The following PKHD1L1 variants were observed in gnomAD, a reference collection of about 807,000 sequenced individuals.
PKHD1L1 encodes PKHD1 like 1.
PKHD1L1 carries 434 observed loss-of-function variants against 462.9 expected under a neutral mutation model. The observed-to-expected ratio is 0.94, with a 90% CI of 0.87 to 1.02. PKHD1L1 has a LOEUF of 1.02. Among genes scored for constraint, PKHD1L1 ranks in the 50% least tolerant of loss-of-function variants. The probability of loss-of-function intolerance (pLI) is 0.00; values close to 1 mark genes in which losing one functional copy is unlikely to be tolerated. For synonymous variants in PKHD1L1, 1,781 were observed against 1,750.0 expected, an observed-to-expected ratio of 1.02 and a Z score of -0.44; for missense variants, 5,202 against 5,096.1, an observed-to-expected ratio of 1.02 and a Z score of -0.63.
At chr8:109,491,180 C>T in intron 61 of PKHD1L1, 79 bp downstream of exon 61, 2 of 1,337,444 alleles carry the variant, frequency 1.5e-6, no homozygotes, top group Non-Finnish European at 1.0e-6. Flanking sequence ...CTACACTGCC[C>T]AATTGATCTT....
chr8:109,442,811 C>T (rs1815878713), intron 35 of PKHD1L1, 135 bp from the exon 36 acceptor site: 1 of 795,458 alleles, frequency 1.3e-6, no homozygotes, highest in Non-Finnish European at 2.0e-6. Flanking sequence ...ATTCTGTTGA[C>T]ATTTCATACA....
Position 109,459,619 on chromosome 8 carries a change from A to AG in PKHD1L1, c.7029_7030insG (p.Met2344AspfsTer9). 6.4e-7 allele frequency: 1 copy of AG among 1,572,206 alleles called. No homozygotes were observed. The highest frequency in any genetic ancestry group is 8.6e-7 in the Non-Finnish European group (1 of 1,157,852). ...GACACAGTCAAGGAGAGAATGAAAA[A>AG]ATGACCATTGCATCTGTGTCTGCTG... On this transcript the variant is annotated frameshift_variant, in exon 47 of 78. Transcript: ENST00000378402. LOFTEE classifies it high-confidence loss of function.
chr8:109,515,379 G>A (rs1212278975), intron 72 of PKHD1L1, 74 bp downstream of exon 72: 3 of 1,190,942 alleles, frequency 2.5e-6, no homozygotes, highest in Admixed American at 7.5e-5. Context: ...CTGATTATTA[G>A]TATTTTTAAT....
chr8:109,368,616 T>G (rs1393688986), intron 2 of PKHD1L1, among the ~76,000 whole-genome samples: 1 of 152,240 alleles, frequency 6.6e-6, no homozygotes, highest in Non-Finnish European at 1.5e-5. Flanking sequence ...CCCATTGTTT[T>G]GAATGCTACA....
At chr8:109,461,685 C>G in intron 47 of PKHD1L1, 87 bp from the exon 48 acceptor site, 2 of 1,386,652 alleles carry the variant, frequency 1.4e-6, no homozygotes, top group Non-Finnish European at 2.0e-6. Context: ...ATATGTGAAT[C>G]AAATGATACA....
chr8:109,441,173 G>C, intron 33 of PKHD1L1, 102 bp from the exon 34 acceptor site: 1 of 784,212 alleles, frequency 1.3e-6, no homozygotes, highest in Non-Finnish European at 2.0e-6. Context: ...TTTTTTTTAG[G>C]GTCTTGGCTG....
intron 67 of PKHD1L1, among the ~76,000 whole-genome samples, chr8:109,502,919 G>A (rs561341889): frequency 1.3e-5 from 2 of 152,198 alleles, no homozygotes; most frequent in Non-Finnish European, 2.9e-5. Context: ...TCTCTTGTCA[G>A]TTAGTTAGGC....
chr8:109,503,262 A>G (rs547960852), intron 67 of PKHD1L1, among the ~76,000 whole-genome samples: 2 of 21,238 alleles, frequency 9.4e-5, no homozygotes, highest in African/African-American at 3.7e-4. Flanking sequence ...CCATGATCAC[A>G]CCACTGGACC....
At chr8:109,512,671 C>T (rs1296450041) in intron 71 of PKHD1L1, among the ~76,000 whole-genome samples, 6 of 151,944 alleles carry the variant, frequency 3.9e-5, no homozygotes, top group South Asian at 2.1e-4. Context: ...ATTGACTTGG[C>T]GTTGCGGGCT....
Position 109,491,877 on chromosome 8 carries a change from A to C in PKHD1L1, c.10119A>C (p.Ile3373=), listed in dbSNP as rs774715603. 1.9e-6 allele frequency: 3 copies of C among 1,597,150 alleles called. No individual in the cohort carries two copies. The highest frequency in any genetic ancestry group is 1.7e-6 in the Non-Finnish European group (2 of 1,168,438). ...NIIHFTVGEG[I]RIWGNANRVR... is the part of the protein sequence containing the mutation. ...TTTTTTTCTTTTTTTAAACAGGCAT[A>C]AGAATATGGGGGAATGCCAACCGAG... Residue 3373 remains isoleucine (I), a synonymous_variant, in exon 62 of 78, where the codon ATA becomes ATC. Coordinates refer to ENST00000378402, the MANE Select transcript of PKHD1L1 (RefSeq NM_177531.6).
chr8:109,471,315 A>C (rs1383332031), intron 50 of PKHD1L1, among the ~76,000 whole-genome samples: 2 of 152,126 alleles, frequency 1.3e-5, no homozygotes, highest in Admixed American at 1.3e-4. Flanking sequence ...TGTCATTTGC[A>C]CACAAAAATA....
At chr8:109,370,920 T>G (rs1338125589) in intron 2 of PKHD1L1, among the ~76,000 whole-genome samples, 2 of 152,212 alleles carry the variant, frequency 1.3e-5, no homozygotes, top group African/African-American at 4.8e-5. Flanking sequence ...GTTGGACATT[T>G]GGGTTGGTTC....
rs1426098103 is a variant in PKHD1L1, at chr8:109,364,597, A to G, written c.124A>G (p.Ser42Gly). ...CACAGAAATAATACCTAAATATGGCAGTATAAATGGAGCAACAAGGCTGAC... is the reference window on the plus strand; with the variant it reads ...CACAGAAATAATACCTAAATATGGCGGTATAAATGGAGCAACAAGGCTGAC... ...KVTEIIPKYG[S>G]INGATRLTIR... is the part of the protein sequence containing the mutation. The change falls in exon 2 of 78, where the codon AGT becomes GGT. Residue 42 changes from serine to glycine, a missense_variant. By Grantham distance (56) the Ser-to-Gly change is moderately conservative (BLOSUM62 0). Around this residue, in one of 3 missense-constraint regions of PKHD1L1, gnomAD observed 4,497 missense variants for 4,336.8 expected, o/e 1.04. Transcript: ENST00000378402. 6.3e-7 allele frequency: 1 copy of G among 1,599,152 alleles called. No individual in the cohort carries two copies. Among genetic ancestry groups the G allele is most frequent in the Middle Eastern group, 1.7e-4 (1 of 6,008 alleles).
In PKHD1L1 at chr8:109,435,198, C is replaced by T. The variant is rs761885099; in HGVS notation, c.3349C>T (p.Leu1117Phe). ...CSLLSVDEKE[L>F]KCQILNGSAG... is the part of the protein sequence containing the mutation. The stretch of plus-strand genomic sequence containing the variant: ...TTTCTTTTTTTCACAAGAAAAAGAG[C>T]TCAAGTGCCAGATTCTGAATGGAAG... Residue 1117 changes from leucine (L) to phenylalanine (F), a missense_variant, in exon 29 of 78, where the codon CTC becomes TTC. Leu to Phe is a conservative substitution (Grantham distance 22). This residue lies in a region of PKHD1L1 where 4,497 missense variants were observed against 4,336.8 expected (regional missense o/e 1.04). Transcript: ENST00000378402. 1 of 1,613,126 alleles carries T rather than the reference C, an allele frequency of 6.2e-7. No individual in the cohort carries two copies. Among genetic ancestry groups the T allele is most frequent in the South Asian group, 1.1e-5 (1 of 90,830 alleles).
chr8:109,440,912 C>A, intron 33 of PKHD1L1, 60 bp downstream of exon 33: 3 of 1,524,410 alleles, frequency 2.0e-6, no homozygotes, highest in Non-Finnish European at 2.7e-6. Flanking sequence ...GGATATACTA[C>A]AGGTGCTGAG....
intron 50 of PKHD1L1, among the ~76,000 whole-genome samples, chr8:109,474,014 A>T (rs1817858556): frequency 6.6e-6 from 1 of 152,160 alleles, no homozygotes; most frequent in Admixed American, 6.6e-5. Flanking sequence ...AAGGAGAAGA[A>T]AGGAGTGGAT....
chr8:109,398,322 A>G, intron 11 of PKHD1L1, 137 bp from the exon 12 acceptor site: 1 of 616,336 alleles, frequency 1.6e-6, no homozygotes, highest in Non-Finnish European at 2.9e-6. Flanking sequence ...GAGAATATGT[A>G]AAGGAAATAA....
intron 62 of PKHD1L1, among the ~76,000 whole-genome samples, chr8:109,493,195 T>C (rs1030513667): frequency 1.3e-5 from 2 of 148,750 alleles, no homozygotes; most frequent in Admixed American, 1.4e-4. Flanking sequence ...ATATGTTATA[T>C]GTATTCTATA....
In PKHD1L1 at chr8:109,364,630, G is replaced by C. The variant is rs1357237096; in HGVS notation, c.157G>C (p.Gly53Arg). 3 of 1,528,030 alleles carry C rather than the reference G, an allele frequency of 2.0e-6. No homozygotes were observed. The South Asian group carries it at 3.7e-5, about 19-fold the overall frequency. 94.7% of individuals were successfully genotyped at this position (1,528,030 alleles called of 1,614,324 possible). A position where few individuals can be genotyped will look rare whatever the true frequency, so the allele number is the denominator to read the frequency against. The change falls in exon 2 of 78, where the codon GGG (glycine) becomes CGG (arginine). Residue 53 changes from glycine to arginine, a missense_variant. Around this residue, in one of 3 missense-constraint regions of PKHD1L1, gnomAD observed 4,497 missense variants for 4,336.8 expected, o/e 1.04. Coordinates refer to ENST00000378402, the MANE Select transcript of PKHD1L1 (RefSeq NM_177531.6). ...INGATRLTIR[G>R]EGFSQANQFN... ...TGGAGCAACAAGGCTGACTATAAGA[G>C]GGGAAGGTATCGTTGCTTTTTTTTT...
Sources: gnomAD v4.1 joint callset for allele counts (sites outside exome capture counted in the v4.1 genomes callset) on GRCh38, gnomAD v4.1.1 for gene constraint, gnomAD v4.1.1 regional missense constraint, MANE v1.5 for transcripts, NCBI Gene and HGNC (gene_info 2026-07-23, HGNC 2026-07-21) for gene names.